The following MYOCD variants were observed in gnomAD, a reference collection of about 807,000 sequenced individuals.
MYOCD encodes the protein myocardin.
MYOCD carries 32 observed loss-of-function variants against 96.1 expected under a neutral mutation model. The observed-to-expected ratio is 0.33, with a 90% CI of 0.25 to 0.45. The LOEUF (loss-of-function observed/expected upper bound fraction) is 0.45. MYOCD is among the 20% of genes least tolerant of loss of function. The pLI, the probability that MYOCD is intolerant of heterozygous loss-of-function variation, is 1.00. For missense variants in MYOCD, 1,133 were observed against 1,200.6 expected, an observed-to-expected ratio of 0.94 and a Z score of 0.83; for synonymous variants, 469 against 469.0, an observed-to-expected ratio of 1.00 and a Z score of 0.00.
chr17:12,763,031 A>G (rs757397532), intron 13 of MYOCD, 42 bp from the exon 14 acceptor site: 7 of 1,528,088 alleles, frequency 4.6e-6, no homozygotes, highest in Admixed American at 3.8e-5. Context: ...GGCATGCTCA[A>G]TTTGAAGTGA....
intron 7 of MYOCD, among the ~76,000 whole-genome samples, chr17:12,743,143 A>C (rs1262762521): frequency 2.0e-5 from 3 of 152,204 alleles, no homozygotes; most frequent in African/African-American, 4.8e-5. Context: ...CCAAGACTAT[A>C]CCCTTAACTT....
At chr17:12,677,979 G>T (rs549894018) in intron 1 of MYOCD, among the ~76,000 whole-genome samples, 2 of 145,860 alleles carry the variant, frequency 1.4e-5, no homozygotes, top group African/African-American at 5.0e-5. Context: ...TGCAACCTCC[G>T]CCTCCCAGGT....
chr17:12,756,408 T>C lies in MYOCD; in HGVS notation c.2059-6T>C. 1 of 1,552,192 alleles carries C rather than the reference T, an allele frequency of 6.4e-7. No individual in the cohort carries two copies. The highest frequency in any genetic ancestry group is 8.7e-7 in the Non-Finnish European group (1 of 1,147,100). On this transcript the variant is annotated splice_polypyrimidine_tract_variant and splice_region_variant and intron_variant, in intron 10 of 13. Transcript: ENST00000425538. The stretch of plus-strand genomic sequence containing the variant: ...GCCATGTAATTTGTCACTTCTTCCT[T>C]TGCAGAACTCAGGAGCACACGATGG...
In MYOCD at chr17:12,741,576, G is replaced by A. The variant is rs372916356; in HGVS notation, c.717+2248G>A. Among the ~76,000 whole-genome samples, 22 of 152,216 alleles carry A rather than the reference G, an allele frequency of 1.4e-4. No homozygotes were observed. The East Asian group carries it at 2.5e-3, about 17-fold the overall frequency. Reference sequence around the variant, plus strand: ...ATACAAAAATTAGCCGGACGTGGTGGCGTGTGCCTGTAATCCCAGCTACTC... The same window carrying A: ...ATACAAAAATTAGCCGGACGTGGTGACGTGTGCCTGTAATCCCAGCTACTC... On this transcript the variant is annotated intron_variant, in intron 7 of 13. Coordinates refer to ENST00000425538, the MANE Select transcript of MYOCD (RefSeq NM_001146312.3).
intron 8 of MYOCD, among the ~76,000 whole-genome samples, chr17:12,744,926 A>G (rs1174683898): frequency 1.3e-5 from 2 of 152,234 alleles, no homozygotes. Context: ...GGTAACTGAA[A>G]TCTTGTAAAG....
At chr17:12,676,094 AC>A (rs1170833968) in intron 1 of MYOCD, among the ~76,000 whole-genome samples, 3 of 152,194 alleles carry the variant, frequency 2.0e-5, no homozygotes, top group South Asian at 2.1e-4. Context: ...GGAAAAAAAA[AC>A]GTATCTGTAA....
At chr17:12,693,276 C>T (rs1489436169) in intron 1 of MYOCD, among the ~76,000 whole-genome samples, 1 of 151,882 alleles carries the variant, frequency 6.6e-6, no homozygotes, top group African/African-American at 2.4e-5. Context: ...GTGGAGCTGT[C>T]GTGGGACATT....
At chr17:12,755,743 G>A (rs147113522) in intron 10 of MYOCD, among the ~76,000 whole-genome samples, 3,435 of 152,230 alleles carry the variant, frequency 0.023, 143 homozygotes, top group African/African-American at 0.078. Context: ...GTGGTGGCAC[G>A]CGCCTGTAGT....
intron 4 of MYOCD, chr17:12,720,395 G>T (rs931438574): frequency 6.6e-6 from 1 of 151,964 alleles, no homozygotes; most frequent in Admixed American, 6.6e-5. Context: ...TAAACCTTCC[G>T]CTCCTAAACC....
intron 11 of MYOCD, 57 bp downstream of exon 11, chr17:12,756,614 GTAAC>G: frequency 6.8e-7 from 1 of 1,472,300 alleles, no homozygotes; most frequent in South Asian, 1.3e-5. Flanking sequence ...TCTCTCTTCT[GTAAC>G]CCGGGAGGCA....
At chr17:12,709,478 A>G (rs887781608) in intron 2 of MYOCD, among the ~76,000 whole-genome samples, 54 of 152,224 alleles carry the variant, frequency 3.5e-4, no homozygotes, top group African/African-American at 1.3e-3. Context: ...GAATCACTGG[A>G]ACAACTTAAG....
At chr17:12,739,085 T>C in intron 6 of MYOCD, 118 bp from the exon 7 acceptor site, 2 of 1,199,192 alleles carry the variant, frequency 1.7e-6, no homozygotes, top group Non-Finnish European at 2.3e-6. Flanking sequence ...TAGGCTGATA[T>C]TTACTTGGGT....
chr17:12,748,943 T>C (rs1029089106), intron 9 of MYOCD, among the ~76,000 whole-genome samples: 1 of 152,198 alleles, frequency 6.6e-6, no homozygotes, highest in African/African-American at 2.4e-5. Flanking sequence ...TGAAATATGA[T>C]AGTGTGTAGA....
chr17:12,765,312 T>C lies in MYOCD; in HGVS notation c.*1668T>C, dbSNP rs900448578. The C allele has an allele frequency of 2.1e-5, 3 of 145,606 alleles. No homozygotes were observed. The highest frequency in any genetic ancestry group is 7.8e-5 in the African/African-American group (3 of 38,308). 9.0% of individuals were successfully genotyped at this position (145,606 alleles called of 1,614,324 possible). On this transcript the variant is annotated 3_prime_UTR_variant, in exon 14 of 14. Coordinates refer to ENST00000425538, the MANE Select transcript of MYOCD (RefSeq NM_001146312.3). ...TCACTAAGGCACTGTTTTTATCTTTTGTAAAAAAAAAAAAAAAGTTGTTCA... is the reference window on the plus strand; with the variant it reads ...TCACTAAGGCACTGTTTTTATCTTTCGTAAAAAAAAAAAAAAAGTTGTTCA...
chr17:12,717,499 C>T (rs1451892971), intron 4 of MYOCD, 78 bp downstream of exon 4: 2 of 1,181,228 alleles, frequency 1.7e-6, no homozygotes, highest in Middle Eastern at 1.9e-4. Flanking sequence ...TGTCTCTGTA[C>T]AGTTGCTAAG....
At position 12,753,016 on chromosome 17, in the gene MYOCD, C is replaced by T; in HGVS notation, c.1728C>T (p.Val576=). 2 of 1,614,162 alleles carry T rather than the reference C, an allele frequency of 1.2e-6. No individual in the cohort carries two copies. The highest frequency in any genetic ancestry group is 1.7e-6 in the Non-Finnish European group (2 of 1,180,014). ...LAASIKQEEA[V]SSCPFASQVP... is the part of the protein sequence containing the mutation. ...CCTCCATCAAGCAGGAAGAGGCTGTCTCCAGCTGTCCTTTTGCATCCCAAG... is the reference window on the plus strand; with the variant it reads ...CCTCCATCAAGCAGGAAGAGGCTGTTTCCAGCTGTCCTTTTGCATCCCAAG... Residue 576 remains valine (V), a synonymous_variant, in exon 10 of 14, where the codon GTC becomes GTT. Transcript: ENST00000425538.
At position 12,763,475 on chromosome 17, in the gene MYOCD, C is replaced by G. The variant is rs150794965; in HGVS notation, c.2792C>G (p.Thr931Ser). Residue 931 changes from threonine (T) to serine (S), a missense_variant, in exon 14 of 14, where the codon ACT becomes AGT. Thr to Ser is a moderately conservative substitution (Grantham distance 58). Transcript: ENST00000425538. ...AGCAATGGGCTGCAGTTAAGCTTCACTGAATCTCCCTGGGAAACCATGGAG... is the reference window on the plus strand; with the variant it reads ...AGCAATGGGCTGCAGTTAAGCTTCAGTGAATCTCCCTGGGAAACCATGGAG... ...VDSNGLQLSF[T>S]ESPWETMEWL... is the part of the protein sequence containing the mutation. The G allele has an allele frequency of 1.1e-4, 180 of 1,614,088 alleles. No homozygotes were observed. Among genetic ancestry groups the G allele is most frequent in the Non-Finnish European group, 2.9e-5 (34 of 1,180,054 alleles).
At chr17:12,675,901 A>G (rs577395855) in intron 1 of MYOCD, among the ~76,000 whole-genome samples, 29 of 152,332 alleles carry the variant, frequency 1.9e-4, no homozygotes, top group Admixed American at 1.9e-3. Context: ...ATATAAGTAC[A>G]CAGAAAAAAG....
chr17:12,742,122 G>T (rs921044043), intron 7 of MYOCD, among the ~76,000 whole-genome samples: 4 of 152,102 alleles, frequency 2.6e-5, no homozygotes, highest in Non-Finnish European at 5.9e-5. Flanking sequence ...AACAGCAGCT[G>T]GTCTGGAGCA....
Sources: allele counts gnomAD v4.1 joint callset (sites outside exome capture counted in the v4.1 genomes callset), GRCh38; gene constraint gnomAD v4.1.1; transcripts MANE v1.5; gene names NCBI Gene and HGNC (gene_info 2026-07-23, HGNC 2026-07-21).